DOCK9: variants seen among roughly 807,000 people sequenced by gnomAD.
DOCK9 encodes dedicator of cytokinesis 9, also known as dedicator of cytokinesis protein 9.
In DOCK9, 89 loss-of-function variants were observed where a neutral mutation model predicts 263.3. The observed-to-expected ratio is 0.34, with a 90% CI of 0.28 to 0.40. The LOEUF (loss-of-function observed/expected upper bound fraction) is 0.40, where lower values mean the gene tolerates loss of function less well. Among genes scored for constraint, DOCK9 ranks in the 10% least tolerant of loss-of-function variants. The pLI, the probability that DOCK9 is intolerant of heterozygous loss-of-function variation, is 1.00. For synonymous variants in DOCK9, 976 were observed against 973.1 expected, an observed-to-expected ratio of 1.00 and a Z score of -0.06; for missense variants, 2,140 against 2,603.4, an observed-to-expected ratio of 0.82 and a Z score of 3.87.
chr13:98,947,662 C>T (rs1464664934), intron 2 of DOCK9, among the ~76,000 whole-genome samples: 4 of 152,054 alleles, frequency 2.6e-5, no homozygotes, highest in East Asian at 1.9e-4. Flanking sequence ...CCCGCCACTA[C>T]GCCCAGATAA....
At chr13:98,835,892 C>T (rs1332655631) in intron 39 of DOCK9, among the ~76,000 whole-genome samples, 5 of 152,054 alleles carry the variant, frequency 3.3e-5, no homozygotes, top group Non-Finnish European at 7.4e-5. Flanking sequence ...CGCACGCCAC[C>T]ATGCCTGGCT....
chr13:98,814,840 C>A (rs1413641082), intron 45 of DOCK9, among the ~76,000 whole-genome samples: 2 of 151,854 alleles, frequency 1.3e-5, no homozygotes, highest in African/African-American at 4.8e-5. Context: ...ACTTGGGAGG[C>A]TGAGGTGGGA....
chr13:98,872,340 A>G (rs1337322683), intron 27 of DOCK9, among the ~76,000 whole-genome samples: 1 of 152,164 alleles, frequency 6.6e-6, no homozygotes, highest in Non-Finnish European at 1.5e-5. Context: ...ACTCCCCTTT[A>G]TCAAGATCCC....
At chr13:98,984,011 C>G (rs548095106) in intron 1 of DOCK9, among the ~76,000 whole-genome samples, 1 of 152,282 alleles carries the variant, frequency 6.6e-6, no homozygotes, top group Admixed American at 6.5e-5. Flanking sequence ...AGCCCAGAAT[C>G]CAAGGCTGAA....
Position 98,944,586 on chromosome 13 carries a change from C to G in DOCK9, c.243+10849G>C, listed in dbSNP as rs114694101. ...GTGTTCCATGTGTGTGTCCTGCTCC[C>G]GCATAACATGTTCAATCACATCCCC... On this transcript the variant is annotated intron_variant, in intron 2 of 52. Coordinates refer to ENST00000682017, the MANE Select transcript of DOCK9 (RefSeq NM_001366683.2). 5.1e-3 allele frequency among the ~76,000 whole-genome samples: 782 copies of G among 152,278 alleles called. 3 individuals are homozygous for G. The highest frequency in any genetic ancestry group is 0.018 in the African/African-American group (753 of 41,556).
intron 1 of DOCK9, among the ~76,000 whole-genome samples, chr13:98,998,571 G>C (rs1186718326): frequency 6.6e-6 from 1 of 152,138 alleles, no homozygotes; most frequent in Non-Finnish European, 1.5e-5. Context: ...GAATGAGGAA[G>C]TCTTGTGGTA....
At chr13:98,798,441 G>C (rs1594091759) in intron 50 of DOCK9, among the ~76,000 whole-genome samples, 1 of 152,222 alleles carries the variant, frequency 6.6e-6, no homozygotes, top group Non-Finnish European at 1.5e-5. Context: ...TCTGAGCCGG[G>C]GGCAATGGGT....
chr13:98,823,620 C>T (rs2092394905), intron 45 of DOCK9, among the ~76,000 whole-genome samples: 1 of 152,038 alleles, frequency 6.6e-6, no homozygotes, highest in South Asian at 2.1e-4. Flanking sequence ...TTCATTCTGC[C>T]CTGGGCTGAA....
intron 3 of DOCK9, among the ~76,000 whole-genome samples, chr13:98,929,468 A>G (rs2053574533): frequency 6.6e-6 from 1 of 152,284 alleles, no homozygotes. Flanking sequence ...ACTTGAACCC[A>G]GGAGAGGCAG....
chr13:98,826,627 C>T (rs1233262600), intron 44 of DOCK9, among the ~76,000 whole-genome samples: 1 of 134,422 alleles, frequency 7.4e-6, no homozygotes, highest in Non-Finnish European at 1.6e-5. Flanking sequence ...GACAACATGC[C>T]ATCTACTTTT....
At chr13:98,858,630 G>A (rs1448105079) in intron 33 of DOCK9, 1 of 152,224 alleles carries the variant, frequency 6.6e-6, no homozygotes, top group Non-Finnish European at 1.5e-5. Flanking sequence ...AAATCTTCAA[G>A]AAAGGAGGCA....
At chr13:99,046,294 T>C (rs569778996) in intron 1 of DOCK9, among the ~76,000 whole-genome samples, 108 of 152,348 alleles carry the variant, frequency 7.1e-4, no homozygotes, top group African/African-American at 2.3e-3. Context: ...CAACAGGTTT[T>C]GCTGGAATGA....
At position 99,073,044 on chromosome 13, in the gene DOCK9, G is replaced by C. The variant is rs147094437; in HGVS notation, c.129+13179C>G. ...TTGGCCATAGGAGATCCAAAATATG[G>C]AACCAAGGTTGCAGAGTGTCTCACC... On this transcript the variant is annotated intron_variant, in intron 1 of 32. Coordinates refer to the DOCK9 transcript ENST00000427887. Among the ~76,000 whole-genome samples, 92 of 152,136 alleles carry C rather than the reference G, an allele frequency of 6.0e-4. 1 individual carries two copies. The East Asian group carries it at 0.012, about 20-fold the overall frequency.
Position 98,880,553 on chromosome 13 carries a change from T to C in DOCK9, c.2865A>G (p.Leu955=), listed in dbSNP as rs1566827237. The C allele has an allele frequency of 6.2e-7, 1 of 1,613,888 alleles. No homozygotes were observed. The highest frequency in any genetic ancestry group is 1.7e-5 in the Admixed American group (1 of 60,022). The change falls in exon 26 of 53, where the codon CTA becomes CTG. Residue 955 remains leucine (L), a synonymous_variant. Transcript: ENST00000682017. ...ACTGACTCTCCTGACATACCTTCAGTAGTTTGTTGCTGGTGAGGAAATCGG... is the reference window on the plus strand; with the variant it reads ...ACTGACTCTCCTGACATACCTTCAGCAGTTTGTTGCTGGTGAGGAAATCGG... ...PSADFLTSNK[L]LKYSWFFFDV... is the part of the protein sequence containing the mutation.
At chr13:98,896,554 T>C (rs1467382595) in intron 15 of DOCK9, among the ~76,000 whole-genome samples, 2 of 151,860 alleles carry the variant, frequency 1.3e-5, no homozygotes, top group East Asian at 1.9e-4. Context: ...TCAGCTATTC[T>C]TTTCACTTCA....
chr13:99,037,599 C>G (rs748839471), intron 1 of DOCK9, among the ~76,000 whole-genome samples: 3 of 152,130 alleles, frequency 2.0e-5, no homozygotes, highest in Non-Finnish European at 4.4e-5. Context: ...CCCAAACATT[C>G]CACTGCTATT....
chr13:98,830,259 A>G (rs2092707217), intron 41 of DOCK9, among the ~76,000 whole-genome samples: 1 of 152,200 alleles, frequency 6.6e-6, no homozygotes, highest in Admixed American at 6.5e-5. Context: ...GAGCTAAAGC[A>G]TGGAGGCCAT....
At chr13:98,876,469 C>A (rs1021612922) in intron 27 of DOCK9, among the ~76,000 whole-genome samples, 3 of 152,022 alleles carry the variant, frequency 2.0e-5, no homozygotes, top group Non-Finnish European at 4.4e-5. Context: ...CCAGCCTGGG[C>A]AACAAGAGCA....
chr13:98,873,118 T>C (rs1307099461), intron 27 of DOCK9, among the ~76,000 whole-genome samples: 1 of 152,184 alleles, frequency 6.6e-6, no homozygotes, highest in Non-Finnish European at 1.5e-5. Flanking sequence ...TAACCTTGGG[T>C]CACACATGTG....
Sources: gnomAD v4.1 joint callset for allele counts (sites outside exome capture counted in the v4.1 genomes callset) on GRCh38, gnomAD v4.1.1 for gene constraint, MANE v1.5 for transcripts, NCBI Gene and HGNC (gene_info 2026-07-23, HGNC 2026-07-21) for gene names.